Variants in PNPLA7 observed in about 807,000 individuals in gnomAD.
The protein encoded by PNPLA7 is patatin-like phospholipase domain-containing protein 7.
Under a neutral mutation model 161.7 loss-of-function variants are expected in PNPLA7, and 153 were observed. That is an observed-to-expected ratio of 0.95 (90% CI 0.83 to 1.08). PNPLA7 has a LOEUF of 1.08. Among genes scored for constraint, PNPLA7 ranks in the 50% least tolerant of loss-of-function variants. The pLI is 0.00. For missense variants in PNPLA7, 1,739 were observed against 1,856.6 expected (o/e 0.94, Z 1.16); for synonymous variants, 809 against 782.1 (o/e 1.03, Z -0.57).
At chr9:137,483,122 T>G (rs1017511351) in intron 21 of PNPLA7, among the ~76,000 whole-genome samples, 1 of 152,210 alleles carries the variant, frequency 6.6e-6, no homozygotes, top group African/African-American at 2.4e-5. Context: ...TCCTCCCACC[T>G]CAGCCTCCCC....
intron 10 of PNPLA7, among the ~76,000 whole-genome samples, chr9:137,521,411 C>T (rs1834985293): frequency 1.3e-5 from 2 of 152,208 alleles, no homozygotes; most frequent in South Asian, 4.1e-4. Context: ...CACAAGGCCC[C>T]AGGAGAATCA....
chr9:137,524,846 TC>T lies in PNPLA7; in HGVS notation c.748-1990del, dbSNP rs1835221518. On this transcript the variant is annotated intron_variant, in intron 8 of 34. Transcript: ENST00000406427. The surrounding 1 kb of genome is among the most constrained non-coding windows in gnomAD (Gnocchi z 4.4). ...CCGTGGATGCCCCGTGGAATGAGTT[TC>T]CTTGGATGCCCCGTGGAATGAGTTT... Among the ~76,000 whole-genome samples the T allele has an allele frequency of 1.3e-5, 2 of 148,654 alleles. No individual in the cohort carries two copies. Among genetic ancestry groups the T allele is most frequent in the African/African-American group, 5.2e-5 (2 of 38,308 alleles).
intron 20 of PNPLA7, among the ~76,000 whole-genome samples, chr9:137,485,762 A>G (rs1190624182): frequency 1.3e-5 from 2 of 152,288 alleles, no homozygotes; most frequent in Middle Eastern, 3.4e-3. Flanking sequence ...CTGAGACTGG[A>G]GCCTCCAGGG....
intron 25 of PNPLA7, among the ~76,000 whole-genome samples, chr9:137,471,770 T>C (rs1831718712): frequency 1.3e-5 from 2 of 151,962 alleles, no homozygotes; most frequent in African/African-American, 4.8e-5. Flanking sequence ...GATTGTGGGC[T>C]GGAAGGCTCA....
chr9:137,492,063 A>G, intron 20 of PNPLA7: 4 of 985,422 alleles, frequency 4.1e-6, no homozygotes, highest in Non-Finnish European at 4.8e-6. Flanking sequence ...CTGGGGTCAA[A>G]TGCTGTCCAG....
Position 137,505,774 on chromosome 9 carries a change from G to C in PNPLA7, c.1327-14C>G. ...GCTTTTCCTGGACTGGAGAAGAACG[G>C]AGATACCGGCAATTCGAAGGGATGT... On this transcript the variant is annotated splice_polypyrimidine_tract_variant and intron_variant, in intron 13 of 34. Transcript: ENST00000406427. 6.2e-7 allele frequency: 1 copy of C among 1,613,246 alleles called. No homozygotes were observed. The highest frequency in any genetic ancestry group is 8.5e-7 in the Non-Finnish European group (1 of 1,179,436).
In PNPLA7 at chr9:137,484,653, G is replaced by A. The variant is rs750995144; in HGVS notation, c.2281C>T (p.Pro761Ser). The change falls in exon 21 of 35, where the codon CCC (proline) becomes TCC (serine). Residue 761 changes from proline (P) to serine (S), a missense_variant. Pro to Ser is a moderately conservative substitution (Grantham distance 74, BLOSUM62 -1). This residue lies in a region of PNPLA7 where 192 missense variants were observed against 249.5 expected (regional missense o/e 0.77). Transcript: ENST00000406427. ...GTGAGGGGCACTTCCTCTGACACGG[G>A]CATCACTGCCACCGTGGACAGGTTG... ...AVNLSTVAVM[P>S]VSEEVPLTAF... 4 of 1,612,350 alleles carry A rather than the reference G, an allele frequency of 2.5e-6. No homozygotes were observed. The Admixed American group carries it at 6.7e-5, about 27-fold the overall frequency.
At chr9:137,536,015 TG>T (rs1357899944) in intron 8 of PNPLA7, among the ~76,000 whole-genome samples, 1 of 150,934 alleles carries the variant, frequency 6.6e-6, no homozygotes, top group East Asian at 2.0e-4. Context: ...TAGCCGGGCG[TG>T]GCAGTGGGCG....
intron 12 of PNPLA7, chr9:137,509,327 G>GGTGTGAGTGAGTTTAGCTT (rs1396647584): frequency 3.0e-5 from 5 of 164,202 alleles, no homozygotes; most frequent in African/African-American, 1.2e-4. Context: ...GAGTTTAGCT[G>GGTGTGAGTGAGTTTAGCTT]GTACGAGTGA....
chr9:137,544,873 C>T (rs1380410146), intron 4 of PNPLA7, among the ~76,000 whole-genome samples: 2 of 152,188 alleles, frequency 1.3e-5, no homozygotes, highest in Non-Finnish European at 2.9e-5. Flanking sequence ...TGGTCTCGAA[C>T]TCCTGACCTC....
At chr9:137,514,207 G>T (rs1170467996) in intron 12 of PNPLA7, among the ~76,000 whole-genome samples, 1 of 147,158 alleles carries the variant, frequency 6.8e-6, no homozygotes, top group South Asian at 2.2e-4. Context: ...GGCTGCAGGC[G>T]GGTCACTCGG....
Position 137,521,680 on chromosome 9 carries a change from C to T in PNPLA7, c.913G>A (p.Ala305Thr). Residue 305 changes from alanine (A) to threonine (T), a missense_variant, in exon 10 of 35, where the codon GCT becomes ACT. Transcript: ENST00000406427. Reference protein sequence around the residue: ...MVRLQRVTFLALHNYLGLTTE... With the variant: ...MVRLQRVTFLTLHNYLGLTTE... ...GTCAGGCCGAGGTAGTTGTGCAGAG[C>T]CAGAAAGGTCACCCTCTGCAGCCGC... 3.1e-6 allele frequency: 5 copies of T among 1,611,774 alleles called. No individual in the cohort carries two copies. The highest frequency in any genetic ancestry group is 4.2e-6 in the Non-Finnish European group (5 of 1,179,730).
intron 4 of PNPLA7, among the ~76,000 whole-genome samples, chr9:137,544,963 C>G (rs1836416175): frequency 6.6e-6 from 1 of 152,008 alleles, no homozygotes; most frequent in Non-Finnish European, 1.5e-5. Flanking sequence ...TTTCAATTTT[C>G]TATGAAGAAC....
At chr9:137,538,056 C>T (rs186241202) in intron 8 of PNPLA7, among the ~76,000 whole-genome samples, 1 of 152,294 alleles carries the variant, frequency 6.6e-6, no homozygotes, top group East Asian at 1.9e-4. Context: ...TCCAGAGACA[C>T]ACTAACCAGA....
chr9:137,500,780 C>T lies in PNPLA7; in HGVS notation c.1668G>A (p.Leu556=). 1.2e-6 allele frequency: 2 copies of T among 1,611,952 alleles called. No homozygotes were observed. The highest frequency in any genetic ancestry group is 1.7e-4 in the Middle Eastern group (1 of 6,060). The part of the protein sequence containing the change: ...LTRPGEMVGQ[L]AVLTGEPLIF... ...TGAGAGGCTCCCCGGTGAGCACGGCCAGCTGGCCCACCATCTCCCCGGGGC... is the reference window on the plus strand; with the variant it reads ...TGAGAGGCTCCCCGGTGAGCACGGCTAGCTGGCCCACCATCTCCCCGGGGC... The change falls in exon 16 of 35, where the codon CTG becomes CTA. Residue 556 remains leucine (L), a synonymous_variant. Transcript: ENST00000406427. The surrounding 1 kb of genome is among the most constrained non-coding windows in gnomAD (Gnocchi z 5.5).
Position 137,503,879 on chromosome 9 carries a change from A to AAGAAGGAAGAAGG in PNPLA7, c.1473+1734_1473+1735insCCTTCTTCCTTCT, listed in dbSNP as rs753595313. Among the ~76,000 whole-genome samples, 16 of 62,842 alleles carry AAGAAGGAAGAAGG rather than the reference A, an allele frequency of 2.5e-4. 2 individuals carry two copies. Among genetic ancestry groups the AAGAAGGAAGAAGG allele is most frequent in the Non-Finnish European group, 4.1e-4 (11 of 26,764 alleles). The allele number at this position is 62,842 out of a possible 152,430, so 41.2% of individuals were successfully genotyped here. A position where few individuals can be genotyped will look rare whatever the true frequency, so the allele number is the denominator to read the frequency against. ...AGAAGAAGGAGGAGGAAGGAAGAAG[A>AAGAAGGAAGAAGG]AAGAAGAAGGAAGAAGAAGAAGGAA... On this transcript the variant is annotated intron_variant, in intron 14 of 34. Coordinates refer to ENST00000406427, the MANE Select transcript of PNPLA7 (RefSeq NM_001098537.3).
chr9:137,465,908 C>T (rs1268780854), intron 26 of PNPLA7, among the ~76,000 whole-genome samples: 1 of 152,174 alleles, frequency 6.6e-6, no homozygotes, highest in East Asian at 1.9e-4. Flanking sequence ...CCTCCCTCTG[C>T]TGCCCGAGGG....
At chr9:137,519,829 A>C in intron 11 of PNPLA7, 88 bp downstream of exon 11, 2 of 1,519,356 alleles carry the variant, frequency 1.3e-6, no homozygotes, top group Non-Finnish European at 8.8e-7. Context: ...AGGCATGTGC[A>C]AGATGACCTG....
Position 137,515,383 on chromosome 9 carries a change from TG to T in PNPLA7, c.1220del (p.Pro407HisfsTer41). On this transcript the variant is annotated frameshift_variant, in exon 12 of 35. Transcript: ENST00000406427. LOFTEE classifies it high-confidence loss of function. ...PGAGDPDPSA[P>X]QGGPGSATSD... is the part of the protein sequence containing the mutation. Reference sequence around the variant, plus strand: ...GCAGCCGTCGAGGTTCTTTACCTTGTGGGGCCGAAGGGTCAGGGTCACCTGC... The same window carrying T: ...GCAGCCGTCGAGGTTCTTTACCTTGTGGGCCGAAGGGTCAGGGTCACCTGC... 1 of 1,603,022 alleles carries T rather than the reference TG, an allele frequency of 6.2e-7. No homozygotes were observed. The highest frequency in any genetic ancestry group is 1.1e-5 in the South Asian group (1 of 89,090).
Sources: allele counts gnomAD v4.1 joint callset (sites outside exome capture counted in the v4.1 genomes callset), GRCh38; gene constraint gnomAD v4.1.1; regional missense constraint gnomAD v4.1.1; non-coding constraint Gnocchi (gnomAD v3.1); transcripts MANE v1.5; gene names NCBI Gene and HGNC (gene_info 2026-07-23, HGNC 2026-07-21).